FRMD5: variants seen among roughly 807,000 people sequenced by gnomAD.
The protein encoded by FRMD5 is FERM domain containing 5, also known as FERM domain-containing protein 5.
FRMD5 carries 20 observed loss-of-function variants against 69.0 expected under a neutral mutation model. That is an observed-to-expected ratio of 0.29 (90% CI 0.20 to 0.42). The LOEUF (loss-of-function observed/expected upper bound fraction) is 0.42, where lower values mean the gene tolerates loss of function less well. Among genes scored for constraint, FRMD5 ranks in the 10% least tolerant of loss-of-function variants. The pLI is 1.00. For synonymous variants in FRMD5, 271 were observed against 260.1 expected (o/e 1.04, Z -0.40); for missense variants, 595 against 708.6 (o/e 0.84, Z 1.82).
intron 1 of FRMD5, among the ~76,000 whole-genome samples, chr15:44,107,409 T>G (rs1412453871): frequency 6.6e-6 from 1 of 152,184 alleles, no homozygotes; most frequent in Non-Finnish European, 1.5e-5. Context: ...TAAGTAAAAA[T>G]TGATCTTTTG....
chr15:43,973,302 G>A (rs142349429), intron 1 of FRMD5, among the ~76,000 whole-genome samples: 6 of 151,598 alleles, frequency 4.0e-5, no homozygotes, highest in East Asian at 1.9e-4. Context: ...GATTACAGGC[G>A]TGAGCCACCG....
chr15:44,093,964 T>C (rs1007182954), intron 1 of FRMD5, among the ~76,000 whole-genome samples: 1 of 152,160 alleles, frequency 6.6e-6, no homozygotes, highest in African/African-American at 2.4e-5. Flanking sequence ...CTTGCATTTT[T>C]GGGGTGAATG....
chr15:44,104,174 C>A (rs1427502123), intron 1 of FRMD5, among the ~76,000 whole-genome samples: 9 of 152,032 alleles, frequency 5.9e-5, no homozygotes, highest in Non-Finnish European at 1.3e-4. Context: ...TAGTTTTTAA[C>A]AAAGTTTAAA....
At chr15:44,027,083 T>C (rs539203230) in intron 1 of FRMD5, among the ~76,000 whole-genome samples, 1 of 152,218 alleles carries the variant, frequency 6.6e-6, no homozygotes, top group Non-Finnish European at 1.5e-5. Flanking sequence ...AAGGATCCCA[T>C]GGTTGTTCAC....
intron 7 of FRMD5, among the ~76,000 whole-genome samples, chr15:43,892,394 A>G (rs1407022652): frequency 6.6e-6 from 1 of 152,234 alleles, no homozygotes; most frequent in Non-Finnish European, 1.5e-5. Context: ...GTTAAATGGT[A>G]CAGTCACTTT....
At chr15:44,032,210 G>T (rs1042199628) in intron 1 of FRMD5, among the ~76,000 whole-genome samples, 4 of 152,116 alleles carry the variant, frequency 2.6e-5, no homozygotes, top group African/African-American at 9.7e-5. Context: ...ACTCAAGATG[G>T]ATAAAGACTT....
At chr15:43,930,831 TCA>T (rs1249188797) in intron 1 of FRMD5, among the ~76,000 whole-genome samples, 2 of 152,174 alleles carry the variant, frequency 1.3e-5, no homozygotes, top group African/African-American at 4.8e-5. Context: ...GAAATCACAT[TCA>T]GTCTGGAACA....
intron 1 of FRMD5, among the ~76,000 whole-genome samples, chr15:44,009,677 T>G (rs533401123): frequency 6.6e-6 from 1 of 152,114 alleles, no homozygotes; most frequent in South Asian, 2.1e-4. Flanking sequence ...AGACTGTGTT[T>G]GAAAAAAAAA....
intron 1 of FRMD5, among the ~76,000 whole-genome samples, chr15:43,979,853 T>C (rs553930199): frequency 7.9e-5 from 12 of 152,340 alleles, no homozygotes; most frequent in African/African-American, 2.9e-4. Context: ...AAGCAGAATG[T>C]TTCTTACTTA....
chr15:44,016,056 G>A (rs958285446), intron 1 of FRMD5, among the ~76,000 whole-genome samples: 3 of 152,128 alleles, frequency 2.0e-5, no homozygotes, highest in African/African-American at 7.2e-5. Context: ...CCAGTTCATA[G>A]GACCCAAAGA....
chr15:43,979,903 G>A (rs942033207), intron 1 of FRMD5, among the ~76,000 whole-genome samples: 13 of 152,316 alleles, frequency 8.5e-5, no homozygotes, highest in Admixed American at 5.2e-4. Context: ...GTCGGGCGAT[G>A]CTGTGAAAAT....
intron 1 of FRMD5, among the ~76,000 whole-genome samples, chr15:44,185,183 G>C (rs2696072): frequency 6.6e-6 from 1 of 152,016 alleles, no homozygotes. Context: ...CTCCTCTCCT[G>C]GTTTTTTTAA....
At chr15:44,013,101 A>C (rs1890798333) in intron 1 of FRMD5, among the ~76,000 whole-genome samples, 1 of 152,192 alleles carries the variant, frequency 6.6e-6, no homozygotes, top group Admixed American at 6.5e-5. Flanking sequence ...CATTATGAAA[A>C]GCACACATTG....
At position 44,122,772 on chromosome 15, in the gene FRMD5, C is replaced by T. The variant is rs1387263372; in HGVS notation, c.102+72181G>A. On this transcript the variant is annotated intron_variant, in intron 1 of 13. Transcript: ENST00000417257. Reference sequence around the variant, plus strand: ...AAACAAAATTAGCTAGGCGTGGTGGCGGGCACCTGTAGTCCCAGCTACTCA... The same window carrying T: ...AAACAAAATTAGCTAGGCGTGGTGGTGGGCACCTGTAGTCCCAGCTACTCA... Among the ~76,000 whole-genome samples, 4 of 151,788 alleles carry T rather than the reference C, an allele frequency of 2.6e-5. 1 individual carries two copies. Among genetic ancestry groups the T allele is most frequent in the Non-Finnish European group, 4.4e-5 (3 of 67,968 alleles).
intron 1 of FRMD5, among the ~76,000 whole-genome samples, chr15:44,139,754 A>G (rs2077240234): frequency 7.6e-6 from 1 of 131,750 alleles, no homozygotes; most frequent in Non-Finnish European, 1.7e-5. Context: ...AAAAAAAAAG[A>G]CATGACATAA....
intron 7 of FRMD5, among the ~76,000 whole-genome samples, chr15:43,899,181 A>G (rs761731682): frequency 3.3e-5 from 5 of 152,228 alleles, no homozygotes; most frequent in African/African-American, 1.2e-4. Flanking sequence ...CATTAAGGCG[A>G]GCACTTGATA....
chr15:44,021,787 T>G (rs916468129), intron 1 of FRMD5, among the ~76,000 whole-genome samples: 1 of 152,196 alleles, frequency 6.6e-6, no homozygotes, highest in African/African-American at 2.4e-5. Context: ...GCAATTCCAC[T>G]TCTCGGTATA....
intron 1 of FRMD5, among the ~76,000 whole-genome samples, chr15:44,136,241 C>A (rs1360960795): frequency 6.6e-6 from 1 of 151,952 alleles, no homozygotes; most frequent in Admixed American, 6.6e-5. Flanking sequence ...CCACGGTGGT[C>A]ACAAACTCCT....
chr15:43,989,977 T>TA (rs946035399), intron 1 of FRMD5: 40 of 1,023,638 alleles, frequency 3.9e-5, no homozygotes, highest in African/African-American at 2.4e-4. Context: ...CTTGATGGGG[T>TA]ACTTCAGGGT....
Sources: gnomAD v4.1 joint callset for allele counts (sites outside exome capture counted in the v4.1 genomes callset) on GRCh38, gnomAD v4.1.1 for gene constraint, MANE v1.5 for transcripts, NCBI Gene and HGNC (gene_info 2026-07-23, HGNC 2026-07-21) for gene names.